Variants in PARP1 observed in about 807,000 individuals in gnomAD.
PARP1 encodes poly(ADP-ribose) polymerase 1.
In PARP1, 44 loss-of-function variants were observed where a neutral mutation model predicts 118.7. The ratio of observed to expected loss-of-function variants is 0.37; its 90% confidence interval spans 0.29 to 0.48. PARP1 has a LOEUF of 0.48. PARP1 is among the 20% of genes least tolerant of loss of function. The pLI, the probability that PARP1 is intolerant of heterozygous loss-of-function variation, is 0.99. For synonymous variants in PARP1, 492 were observed against 483.2 expected (o/e 1.02, Z -0.24); for missense variants, 1,100 against 1,272.4 (o/e 0.86, Z 2.06).
intron 12 of PARP1, among the ~76,000 whole-genome samples, chr1:226,377,672 C>T (rs985434051): frequency 3.3e-5 from 5 of 152,118 alleles, no homozygotes; most frequent in African/African-American, 1.2e-4. Context: ...ACCCTTACAG[C>T]TGTACCCTAA....
intron 2 of PARP1, among the ~76,000 whole-genome samples, chr1:226,397,358 T>A (rs1664944335): frequency 6.6e-6 from 1 of 152,066 alleles, no homozygotes; most frequent in Non-Finnish European, 1.5e-5. Flanking sequence ...AACCCTTTCT[T>A]GGCAAATTTA....
At chr1:226,402,858 T>C (rs570349508) in intron 1 of PARP1, among the ~76,000 whole-genome samples, 2 of 152,228 alleles carry the variant, frequency 1.3e-5, no homozygotes, top group Non-Finnish European at 2.9e-5. Context: ...AAGGGCTCTT[T>C]AAGTGCCTCT....
In PARP1 at chr1:226,390,601, C is replaced by A; in HGVS notation, c.426G>T (p.Lys142Asn). The change falls in exon 4 of 23, where the codon AAG becomes AAT. Residue 142 changes from lysine (K) to asparagine (N), a missense_variant. By Grantham distance (94) the Lys-to-Asn change is moderately conservative. Transcript: ENST00000366794. ...IEKGQVRLSK[K>N]MVDPEKPQLG... Reference sequence around the variant, plus strand: ...GCTGTGGCTTCTCCGGGTCCACCATCTTCTTGGACAGGCGCACCTGGCCCT... The same window carrying A: ...GCTGTGGCTTCTCCGGGTCCACCATATTCTTGGACAGGCGCACCTGGCCCT... 6.2e-7 allele frequency: 1 copy of A among 1,614,202 alleles called. No homozygotes were observed.
chr1:226,401,436 G>C (rs114385995), intron 2 of PARP1, among the ~76,000 whole-genome samples: 2 of 152,208 alleles, frequency 1.3e-5, no homozygotes, highest in Admixed American at 6.5e-5. Flanking sequence ...CAAATTAAGG[G>C]GCAGACTATG....
chr1:226,399,184 T>C lies in PARP1; in HGVS notation c.286+3030A>G, dbSNP rs997032581. The stretch of plus-strand genomic sequence containing the variant: ...CGCCTCCCAGTACAACCAATTCTCC[T>C]GTCTCGGCCTCCCGAGTAGCTGGGA... On this transcript the variant is annotated intron_variant, in intron 2 of 22. Transcript: ENST00000366794. Among the ~76,000 whole-genome samples, 18 of 150,450 alleles carry C rather than the reference T, an allele frequency of 1.2e-4. No homozygotes were observed. The East Asian group carries it at 1.8e-3, about 15-fold the overall frequency.
At chr1:226,368,011 G>C (rs1664305571) in intron 16 of PARP1, among the ~76,000 whole-genome samples, 188 bp downstream of exon 16, 3 of 152,186 alleles carry the variant, frequency 2.0e-5, no homozygotes, top group African/African-American at 7.2e-5. Flanking sequence ...GGATTTGGTA[G>C]AACAGGGGCA....
Position 226,392,492 on chromosome 1 carries a change from T to C in PARP1, c.287-178A>G, listed in dbSNP as rs932003. On this transcript the variant is annotated intron_variant, in intron 2 of 22. Coordinates refer to ENST00000366794, the MANE Select transcript of PARP1 (RefSeq NM_001618.4). ...AACAACCGTGGTCAGCTAATAGAGCTTCTTTTCTGGAGATAAATGACCCTT... is the reference window on the plus strand; with the variant it reads ...AACAACCGTGGTCAGCTAATAGAGCCTCTTTTCTGGAGATAAATGACCCTT... The C allele has an allele frequency of 8.1e-5, 52 of 639,972 alleles. No homozygotes were observed. The African/African-American group carries it at 9.1e-4, about 11-fold the overall frequency. 39.6% of individuals were successfully genotyped at this position (639,972 alleles called of 1,614,324 possible). A position where few individuals can be genotyped will look rare whatever the true frequency, so the allele number is the denominator to read the frequency against.
At chr1:226,390,285 A>G in intron 4 of PARP1, 125 bp downstream of exon 4, 2 of 858,854 alleles carry the variant, frequency 2.3e-6, no homozygotes, top group Non-Finnish European at 3.9e-6. Flanking sequence ...CTCAGTTTGC[A>G]TCTCCCTGGC....
intron 13 of PARP1, among the ~76,000 whole-genome samples, chr1:226,376,566 A>T: frequency 6.6e-6 from 1 of 152,220 alleles, no homozygotes; most frequent in Non-Finnish European, 1.5e-5. Flanking sequence ...AACTGAAAAG[A>T]CTGTTCCTCC....
Position 226,362,182 on chromosome 1 carries a change from T to C in PARP1, c.2849-99A>G, listed in dbSNP as rs901831945. ...ATTTGATGTTGGGTCCATGTGGTCTTTCTTTTTTTTTTTTTTCCTTTTTGA... is the reference window on the plus strand; with the variant it reads ...ATTTGATGTTGGGTCCATGTGGTCTCTCTTTTTTTTTTTTTTCCTTTTTGA... On this transcript the variant is annotated intron_variant, in intron 21 of 22. Coordinates refer to ENST00000366794, the MANE Select transcript of PARP1 (RefSeq NM_001618.4). 4 of 717,848 alleles carry C rather than the reference T, an allele frequency of 5.6e-6. No individual in the cohort carries two copies. In the Admixed American group the frequency reaches 9.1e-5, roughly 16 times the overall value. 44.5% of individuals were successfully genotyped at this position (717,848 alleles called of 1,614,324 possible).
chr1:226,376,653 C>A (rs980758559), intron 13 of PARP1, among the ~76,000 whole-genome samples: 7 of 152,174 alleles, frequency 4.6e-5, no homozygotes, highest in African/African-American at 1.7e-4. Flanking sequence ...GTATTAAATG[C>A]TTTTTCTGCC....
At chr1:226,373,309 G>A (rs762677556) in intron 14 of PARP1, among the ~76,000 whole-genome samples, 8 of 152,214 alleles carry the variant, frequency 5.3e-5, no homozygotes, top group Admixed American at 4.6e-4. Context: ...TGGTTCCTAG[G>A]AGCCTAGAAC....
intron 1 of PARP1, among the ~76,000 whole-genome samples, chr1:226,404,174 A>ACC (rs1553298612): frequency 6.6e-6 from 1 of 152,338 alleles, no homozygotes; most frequent in Admixed American, 6.5e-5. Context: ...CTCTAGCAAC[A>ACC]TGTCACAGAG....
intron 10 of PARP1, 115 bp from the exon 11 acceptor site, chr1:226,379,756 T>C (rs1664567947): frequency 1.5e-6 from 2 of 1,318,836 alleles, no homozygotes; most frequent in Non-Finnish European, 2.2e-6. Context: ...TCGGCATCTA[T>C]ATACACACTA....
chr1:226,395,953 T>C (rs1576401816), intron 2 of PARP1, among the ~76,000 whole-genome samples: 2 of 151,594 alleles, frequency 1.3e-5, no homozygotes, highest in East Asian at 1.9e-4. Context: ...GGATTGGGAG[T>C]TTCAGTTTGG....
At position 226,379,259 on chromosome 1, in the gene PARP1, G is replaced by A. The variant is rs371066735; in HGVS notation, c.1628C>T (p.Ala543Val). 20 of 1,614,222 alleles carry A rather than the reference G, an allele frequency of 1.2e-5. No individual in the cohort carries two copies. The highest frequency in any genetic ancestry group is 3.3e-5 in the South Asian group (3 of 91,088). Residue 543 changes from alanine (A) to valine (V), a missense_variant, in exon 12 of 23, where the codon GCG (alanine) becomes GTG (valine). Physicochemically the swap from Ala to Val is moderately conservative, Grantham distance 64. Coordinates refer to ENST00000366794, the MANE Select transcript of PARP1 (RefSeq NM_001618.4). ...VDPDSGLEHSAHVLEKGGKVF... is the reference protein window; with the variant it reads ...VDPDSGLEHSVHVLEKGGKVF... The stretch of plus-strand genomic sequence containing the variant: ...CTTCCCACCTTTCTCCAGGACATGC[G>A]CAGAGTGTTCCAGTCCTGTCCCAGA...
chr1:226,362,802 C>G (rs1558232435), intron 21 of PARP1, among the ~76,000 whole-genome samples: 1 of 152,148 alleles, frequency 6.6e-6, no homozygotes, highest in East Asian at 1.9e-4. Flanking sequence ...GCTGCAGCCA[C>G]AGAGAGTGAA....
chr1:226,384,200 C>T (rs545731296), intron 7 of PARP1, among the ~76,000 whole-genome samples: 1 of 152,286 alleles, frequency 6.6e-6, no homozygotes, highest in African/African-American at 2.4e-5. Flanking sequence ...TGTGGGGTGC[C>T]CTGGCTAGGC....
At chr1:226,365,704 C>T (rs1664245638) in intron 18 of PARP1, among the ~76,000 whole-genome samples, 1 of 151,222 alleles carries the variant, frequency 6.6e-6, no homozygotes, top group Admixed American at 6.6e-5. Flanking sequence ...GAGGCAGAGG[C>T]TGCAGCAGGC....
Sources: gnomAD v4.1 joint callset for allele counts (sites outside exome capture counted in the v4.1 genomes callset) on GRCh38, gnomAD v4.1.1 for gene constraint, MANE v1.5 for transcripts, NCBI Gene and HGNC (gene_info 2026-07-23, HGNC 2026-07-21) for gene names.